The following TTC28 variants were observed in gnomAD, a reference collection of about 807,000 sequenced individuals.
TTC28 encodes the protein tetratricopeptide repeat domain 28, also known as tetratricopeptide repeat protein 28.
TTC28 carries 61 observed loss-of-function variants against 198.0 expected under a neutral mutation model. The observed-to-expected ratio is 0.31, with a 90% confidence interval of 0.25 to 0.38. TTC28 has a LOEUF of 0.38. TTC28 is among the 10% of genes least tolerant of loss of function. TTC28 has a pLI of 1.00. For missense variants in TTC28, 2,678 were observed against 3,164.0 expected, an observed-to-expected ratio of 0.85 and a Z score of 3.69; for synonymous variants, 1,171 against 1,297.8, an observed-to-expected ratio of 0.90 and a Z score of 2.10.
In TTC28 at chr22:28,026,385, G is replaced by GAC. The variant is rs140869627; in HGVS notation, c.4073+3839_4073+3840dup. On this transcript the variant is annotated intron_variant, in intron 13 of 22. Coordinates refer to ENST00000397906, the MANE Select transcript of TTC28 (RefSeq NM_001145418.2). Reference sequence around the variant, plus strand: ...TGGGCCCATGTGACCCACCCAGCAGGACACACACACACACCCGTGCCACGT... The same window carrying GAC: ...TGGGCCCATGTGACCCACCCAGCAGGACACACACACACACACCCGTGCCACGT... 4.7e-3 allele frequency among the ~76,000 whole-genome samples: 714 copies of GAC among 151,936 alleles called. 4 individuals carry two copies. The highest frequency in any genetic ancestry group is 0.034 in the Middle Eastern group (10 of 294).
At chr22:27,991,944 T>C (rs538737271) in intron 19 of TTC28, among the ~76,000 whole-genome samples, 1 of 152,236 alleles carries the variant, frequency 6.6e-6, no homozygotes, top group African/African-American at 2.4e-5. Flanking sequence ...CCTTGGTGAC[T>C]ATCTTGTTTC....
chr22:28,003,945 G>A (rs900490376), intron 14 of TTC28, among the ~76,000 whole-genome samples: 3 of 152,208 alleles, frequency 2.0e-5, no homozygotes, highest in African/African-American at 7.2e-5. Flanking sequence ...GCCTACTGGG[G>A]ACCGTAGGGA....
chr22:28,296,459 A>G (rs1224769978), intron 4 of TTC28, 131 bp from the exon 5 acceptor site: 4 of 872,112 alleles, frequency 4.6e-6, no homozygotes, highest in African/African-American at 1.7e-5. Context: ...TTCTATTAGA[A>G]AAGTATTTGT....
chr22:28,387,115 T>C (rs1364980887), intron 2 of TTC28, among the ~76,000 whole-genome samples: 2 of 152,160 alleles, frequency 1.3e-5, no homozygotes, highest in Non-Finnish European at 2.9e-5. Flanking sequence ...GTTCTTGCGA[T>C]AGTTTGCTGA....
intron 1 of TTC28, among the ~76,000 whole-genome samples, chr22:28,650,334 GA>G (rs1456560240): frequency 6.6e-6 from 1 of 152,086 alleles, no homozygotes; most frequent in East Asian, 1.9e-4. Flanking sequence ...AATTATCTAC[GA>G]TGTACAAAAA....
At chr22:28,409,830 G>C (rs1235502281) in intron 2 of TTC28, among the ~76,000 whole-genome samples, 5 of 151,172 alleles carry the variant, frequency 3.3e-5, no homozygotes, top group African/African-American at 9.7e-5. Flanking sequence ...CTAATTTTTT[G>C]GATTTTTGCT....
intron 5 of TTC28, among the ~76,000 whole-genome samples, chr22:28,285,390 T>C (rs984300745): frequency 6.6e-6 from 1 of 152,142 alleles, no homozygotes; most frequent in Non-Finnish European, 1.5e-5. Flanking sequence ...AGTAGAACAG[T>C]GGTTGCCAGG....
intron 12 of TTC28, among the ~76,000 whole-genome samples, chr22:28,060,668 C>T (rs1014260383): frequency 1.3e-5 from 2 of 152,202 alleles, no homozygotes; most frequent in South Asian, 2.1e-4. Flanking sequence ...TGAGGAATCG[C>T]CACACTGTCT....
At chr22:28,546,030 G>T (rs2049534312) in intron 2 of TTC28, among the ~76,000 whole-genome samples, 1 of 152,252 alleles carries the variant, frequency 6.6e-6, no homozygotes, top group Non-Finnish European at 1.5e-5. Context: ...GAGCAACTAT[G>T]AAAGAAAAGA....
intron 2 of TTC28, among the ~76,000 whole-genome samples, chr22:28,623,924 A>T (rs958126106): frequency 2.0e-5 from 3 of 152,124 alleles, no homozygotes; most frequent in Admixed American, 6.5e-5. Context: ...ATAAATGCTC[A>T]TATTTTAAAA....
intron 2 of TTC28, among the ~76,000 whole-genome samples, chr22:28,345,028 G>A (rs896943647): frequency 5.9e-5 from 9 of 152,150 alleles, no homozygotes; most frequent in African/African-American, 1.9e-4. Flanking sequence ...TTAAGCAACT[G>A]AGTTAGGATT....
At chr22:28,329,090 TTTACCTATG>T (rs972163107) in intron 2 of TTC28, among the ~76,000 whole-genome samples, 13 of 152,084 alleles carry the variant, frequency 8.5e-5, no homozygotes, top group African/African-American at 3.1e-4. Flanking sequence ...TCTGTGTTCT[TTTACCTATG>T]TCATGCTGCA....
chr22:28,212,389 TA>T (rs909550749), intron 5 of TTC28, among the ~76,000 whole-genome samples: 6 of 144,288 alleles, frequency 4.2e-5, no homozygotes, highest in Non-Finnish European at 7.7e-5. Flanking sequence ...GCAAGACTAA[TA>T]AAGAAGAAAA....
intron 2 of TTC28, among the ~76,000 whole-genome samples, chr22:28,585,274 A>G (rs752244264): frequency 3.3e-5 from 5 of 152,308 alleles, no homozygotes; most frequent in Middle Eastern, 3.4e-3. Flanking sequence ...ACAACTCACC[A>G]TAATGTAGAA....
chr22:27,985,497 A>C, intron 21 of TTC28, 141 bp from the exon 22 acceptor site: 1 of 641,248 alleles, frequency 1.6e-6, no homozygotes, highest in Non-Finnish European at 2.7e-6. Context: ...GGGCTTCCCC[A>C]TGTCTGCACA....
chr22:28,010,023 C>G (rs1335803526), intron 14 of TTC28, among the ~76,000 whole-genome samples: 1 of 152,148 alleles, frequency 6.6e-6, no homozygotes, highest in Non-Finnish European at 1.5e-5. Context: ...ACCTGACTCA[C>G]AAAAGATTGT....
chr22:28,175,908 A>C (rs747060070), intron 5 of TTC28, among the ~76,000 whole-genome samples: 4 of 152,208 alleles, frequency 2.6e-5, no homozygotes, highest in Non-Finnish European at 5.9e-5. Flanking sequence ...AGATACATGA[A>C]AACAAGTGTT....
chr22:28,427,554 T>C (rs1569319464), intron 2 of TTC28, among the ~76,000 whole-genome samples: 1 of 152,166 alleles, frequency 6.6e-6, no homozygotes. Context: ...TCGGAAGCAC[T>C]GAGGCAGGAG....
At chr22:28,568,287 G>A (rs114883155) in intron 2 of TTC28, among the ~76,000 whole-genome samples, 2,277 of 152,234 alleles carry the variant, frequency 0.015, 57 homozygotes, top group African/African-American at 0.051. Context: ...CAGCAAAGGT[G>A]GTGATTGTTG....
Sources: gnomAD v4.1 joint callset for allele counts (sites outside exome capture counted in the v4.1 genomes callset) on GRCh38, gnomAD v4.1.1 for gene constraint, MANE v1.5 for transcripts, NCBI Gene and HGNC (gene_info 2026-07-23, HGNC 2026-07-21) for gene names.